The following ABHD17C variants were observed in gnomAD, a reference collection of about 807,000 sequenced individuals.
The protein encoded by ABHD17C is alpha/beta hydrolase domain-containing protein 17C.
ABHD17C carries 11 observed loss-of-function variants against 27.9 expected under a neutral mutation model. The observed-to-expected ratio is 0.39, with a 90% CI of 0.25 to 0.65. ABHD17C has a LOEUF of 0.65. ABHD17C is among the 30% of genes least tolerant of loss of function. The pLI is 0.45. For missense variants in ABHD17C, 280 were observed against 470.2 expected, an observed-to-expected ratio of 0.60 and a Z score of 3.74; for synonymous variants, 233 against 209.1, an observed-to-expected ratio of 1.11 and a Z score of -0.98.
rs1046006722 is a variant in ABHD17C at position 80,709,554 on chromosome 15, A to G, written c.590+13535A>G. On this transcript the variant is annotated intron_variant, in intron 1 of 2. Coordinates refer to ENST00000258884, the MANE Select transcript of ABHD17C (RefSeq NM_021214.2). ...TTGGTAGCTGTTGTTGGCCTCCAGG[A>G]TATAGTTGCATACTCCTCGAAGACT... is the stretch of plus-strand genomic sequence containing the variant. Among the ~76,000 whole-genome samples the G allele has an allele frequency of 2.6e-5, 4 of 151,950 alleles. No individual in the cohort carries two copies. The East Asian group carries it at 5.8e-4, about 22-fold the overall frequency.
chr15:80,722,736 C>T (rs117001641), intron 1 of ABHD17C, among the ~76,000 whole-genome samples: 3 of 152,294 alleles, frequency 2.0e-5, no homozygotes, highest in East Asian at 3.9e-4. Flanking sequence ...TCTCCCCTAA[C>T]GCCTGGCAAC....
intron 1 of ABHD17C, among the ~76,000 whole-genome samples, chr15:80,713,903 C>A (rs1894766170): frequency 8.9e-6 from 1 of 112,120 alleles, no homozygotes. Flanking sequence ...ATACAGACCA[C>A]ACACACACAC....
At chr15:80,749,819 ACAGG>A in intron 2 of ABHD17C, 127 bp downstream of exon 2, 1 of 1,174,378 alleles carries the variant, frequency 8.5e-7, no homozygotes, top group Non-Finnish European at 1.2e-6. Flanking sequence ...GCTGGGTGCC[ACAGG>A]GCATGTGGGA....
chr15:80,728,510 C>T (rs1895013871), intron 1 of ABHD17C, among the ~76,000 whole-genome samples: 1 of 150,322 alleles, frequency 6.7e-6, no homozygotes, highest in South Asian at 2.1e-4. Flanking sequence ...CTCATCCATT[C>T]CCCTCACTTG....
chr15:80,732,032 G>A (rs1895064058), intron 1 of ABHD17C, among the ~76,000 whole-genome samples: 1 of 152,184 alleles, frequency 6.6e-6, no homozygotes, highest in African/African-American at 2.4e-5. Context: ...CATTTAAAGT[G>A]CCATTTACAT....
At chr15:80,726,598 G>A (rs1012553229) in intron 1 of ABHD17C, among the ~76,000 whole-genome samples, 6 of 141,014 alleles carry the variant, frequency 4.3e-5, no homozygotes, top group East Asian at 2.1e-4. Context: ...TGCAAGCTCC[G>A]CCCCCCCGCG....
chr15:80,727,939 A>G (rs2141508332), intron 1 of ABHD17C, among the ~76,000 whole-genome samples: 1 of 152,130 alleles, frequency 6.6e-6, no homozygotes, highest in East Asian at 1.9e-4. Context: ...TGCAGCCGTC[A>G]TTGGTGGCTC....
Position 80,695,465 on chromosome 15 carries a change from G to C in ABHD17C, c.36G>C (p.Ser12=). 7.3e-7 allele frequency: 1 copy of C among 1,377,738 alleles called. No homozygotes were observed. The highest frequency in any genetic ancestry group is 9.5e-7 in the Non-Finnish European group (1 of 1,053,620). The allele number at this position is 1,377,738 out of a possible 1,614,324, so 85.3% of individuals were successfully genotyped here. A position where few individuals can be genotyped will look rare whatever the true frequency, so the allele number is the denominator to read the frequency against. Residue 12 remains serine, a synonymous_variant, in exon 1 of 3, where the codon TCG becomes TCC. Transcript: ENST00000258884. The surrounding 1 kb of genome is among the most constrained non-coding windows in gnomAD (Gnocchi z 4.3). Reference sequence around the variant, plus strand: ...CAGGCCCCAGGATGAACGGCTTCTCGCTGGGTGAGCTGTGCTGGCTCTTCT... The same window carrying C: ...CAGGCCCCAGGATGAACGGCTTCTCCCTGGGTGAGCTGTGCTGGCTCTTCT... ...PEPGPRMNGF[S]LGELCWLFCC...
chr15:80,711,547 C>CA (rs997934310), intron 1 of ABHD17C, among the ~76,000 whole-genome samples: 34 of 151,584 alleles, frequency 2.2e-4, no homozygotes, highest in African/African-American at 5.3e-4. Flanking sequence ...AGATTATTTC[C>CA]AAAAAAAACC....
chr15:80,701,678 CAAA>C (rs35847895), intron 1 of ABHD17C, among the ~76,000 whole-genome samples: 1 of 116,318 alleles, frequency 8.6e-6, no homozygotes. Flanking sequence ...GACTCCATCT[CAAA>C]AAAAAAAAAA....
chr15:80,726,677 G>A (rs998992847), intron 1 of ABHD17C, among the ~76,000 whole-genome samples: 11 of 151,248 alleles, frequency 7.3e-5, no homozygotes, highest in Non-Finnish European at 1.0e-4. Flanking sequence ...CACACCCAGC[G>A]AATTTTTTGT....
chr15:80,705,333 T>TTTTGTGTGTG (rs10523879), intron 1 of ABHD17C, among the ~76,000 whole-genome samples: 1,254 of 106,902 alleles, frequency 0.012, 16 homozygotes, highest in Non-Finnish European at 0.018. Flanking sequence ...TTCCTATGAT[T>TTTTGTGTGTG]TGTGTGTGTG....
intron 1 of ABHD17C, among the ~76,000 whole-genome samples, chr15:80,724,574 C>A (rs1242325826): frequency 2.0e-4 from 28 of 139,962 alleles, no homozygotes; most frequent in Non-Finnish European, 4.7e-5. Context: ...TAAGGAAAAA[C>A]ATAAATAAGG....
At chr15:80,727,308 A>G (rs1468423798) in intron 1 of ABHD17C, among the ~76,000 whole-genome samples, 2 of 152,150 alleles carry the variant, frequency 1.3e-5, no homozygotes, top group East Asian at 3.9e-4. Context: ...GGCGTGTTAG[A>G]GTATCTGGTT....
At position 80,695,385 on chromosome 15, in the gene ABHD17C, AGC is replaced by A; in HGVS notation, c.-44_-43del. The A allele has an allele frequency of 8.7e-7, 1 of 1,154,386 alleles. No individual in the cohort carries two copies. Among genetic ancestry groups the A allele is most frequent in the Non-Finnish European group, 1.1e-6 (1 of 927,980 alleles). The allele number at this position is 1,154,386 out of a possible 1,614,324, so 71.5% of individuals were successfully genotyped here. A position where few individuals can be genotyped will look rare whatever the true frequency, so the allele number is the denominator to read the frequency against. On this transcript the variant is annotated 5_prime_UTR_variant, in exon 1 of 3. Coordinates refer to ENST00000258884, the MANE Select transcript of ABHD17C (RefSeq NM_021214.2). This position sits in a 1 kb window ranked among gnomAD's most constrained non-coding sequence, Gnocchi z 4.3. Reference sequence around the variant, plus strand: ...CGTCCTCCGTCCTCCCGGGCCAGCCAGCCAGCCAGCCAGCCGGGCCGGCGGCG... The same window carrying A: ...CGTCCTCCGTCCTCCCGGGCCAGCCACAGCCAGCCAGCCGGGCCGGCGGCG...
At chr15:80,715,016 C>G (rs1011700759) in intron 1 of ABHD17C, among the ~76,000 whole-genome samples, 6 of 152,252 alleles carry the variant, frequency 3.9e-5, no homozygotes, top group African/African-American at 1.4e-4. Context: ...CTCCTGACCT[C>G]GTGATCCGCC....
intron 1 of ABHD17C, among the ~76,000 whole-genome samples, chr15:80,697,105 T>A (rs1894505594): frequency 6.6e-6 from 1 of 152,214 alleles, no homozygotes; most frequent in African/African-American, 2.4e-5. Flanking sequence ...TTTTTTTTTT[T>A]CATTCGTACT....
chr15:80,733,002 C>T (rs1895077679), intron 1 of ABHD17C, among the ~76,000 whole-genome samples: 1 of 152,114 alleles, frequency 6.6e-6, no homozygotes, highest in African/African-American at 2.4e-5. Context: ...CTGGCCTGCC[C>T]CAGCCTGTCA....
intron 1 of ABHD17C, among the ~76,000 whole-genome samples, chr15:80,721,875 G>A (rs1005688218): frequency 5.3e-5 from 8 of 152,076 alleles, no homozygotes; most frequent in African/African-American, 1.7e-4. Context: ...CCCAGTGCCA[G>A]CATAAGGATG....
Sources: allele counts gnomAD v4.1 joint callset (sites outside exome capture counted in the v4.1 genomes callset), GRCh38; gene constraint gnomAD v4.1.1; non-coding constraint Gnocchi (gnomAD v3.1); transcripts MANE v1.5; gene names NCBI Gene and HGNC (gene_info 2026-07-23, HGNC 2026-07-21).